The following COMMD1 variants were observed in gnomAD, a reference collection of about 807,000 sequenced individuals.
COMMD1 encodes the protein COMM domain-containing protein 1.
In COMMD1, 10 loss-of-function variants were observed where a neutral mutation model predicts 17.2. The observed-to-expected ratio is 0.58, with a 90% CI of 0.36 to 0.99. The LOEUF (loss-of-function observed/expected upper bound fraction) is 0.99, where lower values mean the gene tolerates loss of function less well. Ranked by LOEUF, COMMD1 falls within the 50% of genes least tolerant of loss-of-function variation. The pLI is 0.01. For missense variants in COMMD1, 270 were observed against 231.8 expected (o/e 1.17, Z -1.07); for synonymous variants, 97 against 91.6 (o/e 1.06, Z -0.34).
At chr2:61,957,137 G>T (rs1467503469) in intron 1 of COMMD1, among the ~76,000 whole-genome samples, 2 of 151,260 alleles carry the variant, frequency 1.3e-5, no homozygotes, top group East Asian at 3.9e-4. Flanking sequence ...CTTTTTAAGA[G>T]ATGTGGTCTC....
At chr2:61,909,060 C>G (rs6728504) in intron 1 of COMMD1, among the ~76,000 whole-genome samples, 48,915 of 151,826 alleles carry the variant, frequency 0.32, 8,056 homozygotes, top group African/African-American at 0.36. Context: ...TCCTGAGTAG[C>G]TGGGATTACA....
chr2:62,038,846 G>A (rs1279618792), intron 2 of COMMD1, among the ~76,000 whole-genome samples: 1 of 152,026 alleles, frequency 6.6e-6, no homozygotes, highest in Non-Finnish European at 1.5e-5. Context: ...ATCACTCCTA[G>A]CCTGTTTCCT....
At position 61,985,397 on chromosome 2, in the gene COMMD1, C is replaced by T. The variant is rs114572376; in HGVS notation, c.181-15304C>T. Among the ~76,000 whole-genome samples, 1,085 of 152,220 alleles carry T rather than the reference C, an allele frequency of 7.1e-3. 19 individuals are homozygous for T. The highest frequency in any genetic ancestry group is 0.024 in the African/African-American group (1,016 of 41,526). On this transcript the variant is annotated intron_variant, in intron 1 of 2. Transcript: ENST00000311832. Reference sequence around the variant, plus strand: ...AGTGTGTTTCTTTTAGGCTACAGATCATTGGATCTTGTTTTTTTATCCATT... The same window carrying T: ...AGTGTGTTTCTTTTAGGCTACAGATTATTGGATCTTGTTTTTTTATCCATT...
At chr2:62,038,799 T>G (rs1402664559) in intron 2 of COMMD1, among the ~76,000 whole-genome samples, 1 of 152,136 alleles carries the variant, frequency 6.6e-6, no homozygotes, top group African/African-American at 2.4e-5. Flanking sequence ...TTTGCCTGCC[T>G]TGGCTTCCCA....
At chr2:62,001,743 G>C (rs1313902190) in intron 2 of COMMD1, among the ~76,000 whole-genome samples, 1 of 152,118 alleles carries the variant, frequency 6.6e-6, no homozygotes, top group Non-Finnish European at 1.5e-5. Flanking sequence ...TCCTACAATA[G>C]AAATTTATTT....
intron 2 of COMMD1, among the ~76,000 whole-genome samples, chr2:62,036,287 T>A (rs1482452836): frequency 6.6e-6 from 1 of 152,212 alleles, no homozygotes; most frequent in Non-Finnish European, 1.5e-5. Context: ...TTATGGACAT[T>A]GTTTTATCAT....
At chr2:61,956,073 G>A (rs1371094390) in intron 1 of COMMD1, among the ~76,000 whole-genome samples, 1 of 152,212 alleles carries the variant, frequency 6.6e-6, no homozygotes, top group African/African-American at 2.4e-5. Flanking sequence ...CAGTTTATCT[G>A]TGGTATTACC....
chr2:62,046,649 AAC>A lies in COMMD1; in HGVS notation c.462+45671_462+45672del, dbSNP rs572505906. ...CCTACTATATTGTCTTGATCTTCTG[AAC>A]ACAGTTTATTTTCCTTCAATGAATT... is the stretch of plus-strand genomic sequence containing the variant. On this transcript the variant is annotated intron_variant, in intron 2 of 2. Transcript: ENST00000311832. Among the ~76,000 whole-genome samples the A allele has an allele frequency of 7.2e-5, 11 of 152,358 alleles. No homozygotes were observed. In the South Asian group the frequency reaches 2.3e-3, roughly 32 times the overall value.
At position 62,111,451 on chromosome 2, in the gene COMMD1, A is replaced by G. The variant is rs1002406291; in HGVS notation, c.463-24380A>G. ...GTACATGGGGTGTATTCTAATGGTA[A>G]TAGACTGAGGGGGGAAGCCCAGCAA... On this transcript the variant is annotated intron_variant, in intron 2 of 2. Coordinates refer to ENST00000311832, the MANE Select transcript of COMMD1 (RefSeq NM_152516.4). 2.6e-5 allele frequency among the ~76,000 whole-genome samples: 4 copies of G among 152,190 alleles called. No homozygotes were observed. In the East Asian group the frequency reaches 7.7e-4, roughly 29 times the overall value.
chr2:62,027,723 G>C (rs1669803348), intron 2 of COMMD1, among the ~76,000 whole-genome samples: 1 of 152,070 alleles, frequency 6.6e-6, no homozygotes, highest in South Asian at 2.1e-4. Context: ...ACCCAGGCTG[G>C]AGTACAGTGG....
intron 1 of COMMD1, among the ~76,000 whole-genome samples, chr2:61,929,863 G>A (rs112769018): frequency 2.5e-4 from 38 of 152,134 alleles, no homozygotes; most frequent in African/African-American, 8.4e-4. Context: ...GGACAAGGCT[G>A]TAGTGAGCTA....
At chr2:61,925,643 G>C (rs1558523704) in intron 1 of COMMD1, among the ~76,000 whole-genome samples, 1 of 152,084 alleles carries the variant, frequency 6.6e-6, no homozygotes, top group African/African-American at 2.4e-5. Flanking sequence ...ATGTAAAGAG[G>C]TTTGGGGGAA....
chr2:61,896,229 C>T (rs1012148606), intron 1 of COMMD1, among the ~76,000 whole-genome samples: 7 of 152,170 alleles, frequency 4.6e-5, no homozygotes, highest in Admixed American at 1.3e-4. Flanking sequence ...AATGCAACAG[C>T]GTTGGGAAGT....
intron 2 of COMMD1, among the ~76,000 whole-genome samples, chr2:62,034,088 C>CAAA (rs34439318): frequency 4.2e-4 from 26 of 62,442 alleles, no homozygotes; most frequent in African/African-American, 6.3e-4. Context: ...GACCCTGTCT[C>CAAA]AAAAAAAAAA....
intron 1 of COMMD1, 79 bp downstream of exon 1, chr2:61,905,937 C>T (rs56260556): frequency 7.8e-5 from 110 of 1,416,406 alleles, no homozygotes; most frequent in Admixed American, 2.1e-4. Context: ...CCCTTGCCTT[C>T]CCCTGTCCTC....
chr2:61,953,879 TA>T (rs1207952201), intron 1 of COMMD1, among the ~76,000 whole-genome samples: 3 of 152,168 alleles, frequency 2.0e-5, no homozygotes, highest in African/African-American at 7.2e-5. Flanking sequence ...ATTATAGTTT[TA>T]ATTTGCATTT....
At chr2:62,108,387 G>GAA (rs1157371444) in intron 2 of COMMD1, among the ~76,000 whole-genome samples, 74 of 150,190 alleles carry the variant, frequency 4.9e-4, no homozygotes, top group African/African-American at 1.8e-3. Flanking sequence ...GGACTTCATA[G>GAA]AAAAAAAAAT....
At chr2:61,960,639 A>G (rs1453764672) in intron 1 of COMMD1, among the ~76,000 whole-genome samples, 1 of 152,200 alleles carries the variant, frequency 6.6e-6, no homozygotes, top group East Asian at 1.9e-4. Context: ...GGTTTTAATC[A>G]TTACACAGAC....
At chr2:62,012,475 C>A (rs1268984363) in intron 2 of COMMD1, among the ~76,000 whole-genome samples, 2 of 151,942 alleles carry the variant, frequency 1.3e-5, no homozygotes, top group African/African-American at 2.4e-5. Flanking sequence ...TGCACCACCA[C>A]GCCCAGCTAA....
Sources: gnomAD v4.1 joint callset for allele counts (sites outside exome capture counted in the v4.1 genomes callset) on GRCh38, gnomAD v4.1.1 for gene constraint, MANE v1.5 for transcripts, NCBI Gene and HGNC (gene_info 2026-07-23, HGNC 2026-07-21) for gene names.